SEMA6C: variants seen among roughly 807,000 people sequenced by gnomAD.
SEMA6C encodes semaphorin 6C, also known as semaphorin-6C.
In SEMA6C, 37 loss-of-function variants were observed where a neutral mutation model predicts 72.9. That is an observed-to-expected ratio of 0.51 (90% CI 0.39 to 0.67). The LOEUF (loss-of-function observed/expected upper bound fraction) is 0.67. Among genes scored for constraint, SEMA6C ranks in the 30% least tolerant of loss-of-function variants. SEMA6C has a pLI of 0.00. For synonymous variants in SEMA6C, 578 were observed against 554.1 expected (o/e 1.04, Z -0.61); for missense variants, 1,189 against 1,263.6 (o/e 0.94, Z 0.89).
Position 151,135,216 on chromosome 1 carries a change from G to T in SEMA6C, c.1527C>A (p.Gly509=). Residue 509 remains glycine (G), a synonymous_variant, in exon 15 of 19, where the codon GGC becomes GGA. Transcript: ENST00000368914. ...EGHRLFVAFS[G]CIVYLPLSRC... is the part of the protein sequence containing the mutation. Reference sequence around the variant, plus strand: ...GGCTGAGAGGGAGGTAGACAATACAGCCAGAAAAAGCCACAAAAAGCCTGT... The same window carrying T: ...GGCTGAGAGGGAGGTAGACAATACATCCAGAAAAAGCCACAAAAAGCCTGT... 1 of 1,614,146 alleles carries T rather than the reference G, an allele frequency of 6.2e-7. No homozygotes were observed. The highest frequency in any genetic ancestry group is 1.1e-5 in the South Asian group (1 of 91,088).
At chr1:151,139,838 C>G (rs1309175655) in intron 4 of SEMA6C, 137 bp from the exon 5 acceptor site, 2 of 1,228,716 alleles carry the variant, frequency 1.6e-6, no homozygotes, top group South Asian at 1.4e-5. Flanking sequence ...CATTTGTGCT[C>G]TGGGTCCAAG....
rs1484572818 is a variant in SEMA6C at position 151,132,780 on chromosome 1, C to A, written c.2497G>T (p.Ala833Ser). ...PPEGRCASAP[A>S]RPALSAPAPR... ...GCGGGGGCGGAGAGCGCGGGCCGGGCGGGGGCAGAGGCGCACCTGCCCTCG... is the reference window on the plus strand; with the variant it reads ...GCGGGGGCGGAGAGCGCGGGCCGGGAGGGGGCAGAGGCGCACCTGCCCTCG... The change falls in exon 19 of 19, where the codon GCC (alanine) becomes TCC (serine). Residue 833 changes from alanine to serine, a missense_variant. This residue lies in a region of SEMA6C where 721 missense variants were observed against 686.2 expected (regional missense o/e 1.05). Coordinates refer to ENST00000368914, the MANE Select transcript of SEMA6C (RefSeq NM_030913.6). 31 of 1,384,684 alleles carry A rather than the reference C, an allele frequency of 2.2e-5. No individual in the cohort carries two copies. Among genetic ancestry groups the A allele is most frequent in the Admixed American group, 1.0e-4 (3 of 29,222 alleles). The allele number at this position is 1,384,684 out of a possible 1,614,324, so 85.8% of individuals were successfully genotyped here. A position where few individuals can be genotyped will look rare whatever the true frequency, so the allele number is the denominator to read the frequency against.
chr1:151,136,152 C>G lies in SEMA6C; in HGVS notation c.1118G>C (p.Cys373Ser). The change falls in exon 13 of 19, where the codon TGT becomes TCT. Residue 373 changes from cysteine (C) to serine (S), a missense_variant. Coordinates refer to ENST00000368914, the MANE Select transcript of SEMA6C (RefSeq NM_030913.6). ...DRVPSPRPGS[C>S]AGVGGAALFS... The stretch of plus-strand genomic sequence containing the variant: ...CAAGGCAGCTCCCCCTACTCCTGCA[C>G]AGGATCCTGGCCTGGTGGGTGAATG... The G allele has an allele frequency of 1.2e-6, 2 of 1,613,788 alleles. No homozygotes were observed. Among genetic ancestry groups the G allele is most frequent in the African/African-American group, 1.3e-5 (1 of 74,996 alleles).
intron 14 of SEMA6C, 81 bp downstream of exon 14, chr1:151,135,510 T>G (rs1681942036): frequency 1.3e-5 from 20 of 1,521,118 alleles, no homozygotes; most frequent in Non-Finnish European, 1.7e-5. Context: ...TGTTGATGTT[T>G]CCAACCTATT....
intron 7 of SEMA6C, 46 bp downstream of exon 7, chr1:151,138,584 G>A: frequency 1.3e-6 from 2 of 1,576,538 alleles, no homozygotes; most frequent in Non-Finnish European, 1.7e-6. Context: ...TGCCCATCTT[G>A]GGGTCCCCCC....
intron 4 of SEMA6C, 98 bp downstream of exon 4, chr1:151,139,878 G>C: frequency 1.9e-5 from 24 of 1,288,770 alleles, no homozygotes; most frequent in Non-Finnish European, 2.6e-5. Context: ...TTGTGCACCT[G>C]CATGTGTCCC....
In SEMA6C at chr1:151,137,041, G is replaced by C; in HGVS notation, c.790C>G (p.Arg264Gly). The change falls in exon 11 of 19, where the codon CGT becomes GGT. Residue 264 changes from arginine (R) to glycine (G), a missense_variant. Arg to Gly is a moderately radical substitution (Grantham distance 125). Coordinates refer to ENST00000368914, the MANE Select transcript of SEMA6C (RefSeq NM_030913.6). ...GCCCGAGGCGAGCCGCCCATGTCAC[G>C]TTTACATACTCGGGCTACGCGGGAG... ...QFSRVARVCK[R>G]DMGGSPRALD... is the part of the protein sequence containing the mutation. The C allele has an allele frequency of 6.2e-7, 1 of 1,613,904 alleles. No homozygotes were observed. Among genetic ancestry groups the C allele is most frequent in the Non-Finnish European group, 8.5e-7 (1 of 1,180,038 alleles).
chr1:151,134,745 G>A, intron 16 of SEMA6C, 53 bp downstream of exon 16: 3 of 1,611,940 alleles, frequency 1.9e-6, no homozygotes, highest in South Asian at 2.2e-5. Flanking sequence ...CCCTCAGCTT[G>A]TCTTATTGGT....
At chr1:151,140,564 G>C (rs1038455127) in intron 3 of SEMA6C, among the ~76,000 whole-genome samples, 10 of 152,166 alleles carry the variant, frequency 6.6e-5, no homozygotes, top group African/African-American at 2.4e-4. Context: ...GCTCTTCACA[G>C]GCCACCTCAG....
chr1:151,138,965 T>C (rs587717615), intron 6 of SEMA6C, among the ~76,000 whole-genome samples: 4 of 152,110 alleles, frequency 2.6e-5, no homozygotes, highest in African/African-American at 9.6e-5. Context: ...TAGCAGCATG[T>C]GCCTGTAATC....
In SEMA6C at chr1:151,140,842, A is replaced by C. The variant is rs141530514; in HGVS notation, c.119-752T>G. 9.5e-4 allele frequency among the ~76,000 whole-genome samples: 145 copies of C among 152,070 alleles called. 2 individuals carry two copies. The East Asian group carries it at 0.026, about 27-fold the overall frequency. ...ACCCCATCTCTACTAAAAATACAAA[A>C]ACAAAATTAGCCAGGCGTGGTGGCG... On this transcript the variant is annotated intron_variant, in intron 3 of 18. Coordinates refer to ENST00000368914, the MANE Select transcript of SEMA6C (RefSeq NM_030913.6).
Position 151,141,013 on chromosome 1 carries a change from T to C in SEMA6C, c.119-923A>G, listed in dbSNP as rs587771063. Among the ~76,000 whole-genome samples the C allele has an allele frequency of 1.7e-4, 26 of 151,532 alleles. No homozygotes were observed. The South Asian group carries it at 5.4e-3, about 32-fold the overall frequency. On this transcript the variant is annotated intron_variant, in intron 3 of 18. Transcript: ENST00000368914. ...ACTCCGTCTCGAAAAAAAAAAAAAT[T>C]CATAATGTGCTTGGAGCTGCTTCTA... is the stretch of plus-strand genomic sequence containing the variant.
chr1:151,133,099 G>C lies in SEMA6C; in HGVS notation c.2178C>G (p.Asn726Lys), dbSNP rs1428770156. The change falls in exon 19 of 19, where the codon AAC (asparagine) becomes AAG (lysine). Residue 726 changes from asparagine (N) to lysine (K), a missense_variant. This residue lies in a region of SEMA6C where 721 missense variants were observed against 686.2 expected (regional missense o/e 1.05). Coordinates refer to ENST00000368914, the MANE Select transcript of SEMA6C (RefSeq NM_030913.6). This position sits in a 1 kb window ranked among gnomAD's most constrained non-coding sequence, Gnocchi z 5.9. ...GDPWEWNQNR[N>K]NAKEGPGRSR... ...AGCGGCCCGGACCCTCCTTGGCGTT[G>C]TTCCTGTTCTGGTTCCACTCCCAGG... The C allele has an allele frequency of 1.3e-6, 2 of 1,563,320 alleles. No individual in the cohort carries two copies. The highest frequency in any genetic ancestry group is 2.8e-5 in the African/African-American group (2 of 70,970).
In SEMA6C at chr1:151,145,259, G is replaced by T. The variant is rs587765959; in HGVS notation, c.-104-825C>A. Reference sequence around the variant, plus strand: ...CCGAAGCCACCTCTGGGGAATGGCTGGGGTCACAGCCAGAGTCTAGGAGAG... The same window carrying T: ...CCGAAGCCACCTCTGGGGAATGGCTTGGGTCACAGCCAGAGTCTAGGAGAG... On this transcript the variant is annotated intron_variant, in intron 1 of 18. Transcript: ENST00000368914. The surrounding 1 kb of genome is among the most constrained non-coding windows in gnomAD (Gnocchi z 4.4). The T allele has an allele frequency of 6.6e-6, 1 of 152,312 alleles. No homozygotes were observed. Among genetic ancestry groups the T allele is most frequent in the African/African-American group, 2.4e-5 (1 of 41,452 alleles). 9.4% of individuals were successfully genotyped at this position (152,312 alleles called of 1,614,324 possible).
At chr1:151,141,671 A>G (rs1682563059) in intron 3 of SEMA6C, among the ~76,000 whole-genome samples, 1 of 151,394 alleles carries the variant, frequency 6.6e-6, no homozygotes, top group South Asian at 2.1e-4. Context: ...TTGGCCTCCC[A>G]AAGTGCTGGG....
At chr1:151,142,751 C>T (rs976901678) in intron 2 of SEMA6C, 76 bp from the exon 3 acceptor site, 7 of 690,084 alleles carry the variant, frequency 1.0e-5, no homozygotes, top group Non-Finnish European at 1.7e-5. Context: ...AGGCTCCTCT[C>T]CTGGTGTATC....
Position 151,132,601 on chromosome 1 carries a change from GTAGCCC to G in SEMA6C, c.2670_2675del (p.Glu890_Tyr892delinsAsp). 1.9e-6 allele frequency: 3 copies of G among 1,551,356 alleles called. No individual in the cohort carries two copies. Among genetic ancestry groups the G allele is most frequent in the Non-Finnish European group, 2.6e-6 (3 of 1,147,264 alleles). On this transcript the variant is annotated inframe_deletion, in exon 19 of 19. Transcript: ENST00000368914. ...CCACCCTTTTCAGGGCGCGGCCCCG[GTAGCCC>G]TCGGGCCGGCCCAGGTACAGGAGGT... is the stretch of plus-strand genomic sequence containing the variant.
At position 151,132,118 on chromosome 1, in the gene SEMA6C, C is replaced by T; in HGVS notation, c.*366G>A. On this transcript the variant is annotated 3_prime_UTR_variant, in exon 19 of 19. Coordinates refer to ENST00000368914, the MANE Select transcript of SEMA6C (RefSeq NM_030913.6). ...ACAGTAGGAGAGGCACGTCCCAGAC[C>T]CAGAAGGCCCGAGGACTCTGGACAC... The T allele has an allele frequency of 9.4e-7, 1 of 1,061,674 alleles. No homozygotes were observed. 65.8% of individuals were successfully genotyped at this position (1,061,674 alleles called of 1,614,324 possible). A position where few individuals can be genotyped will look rare whatever the true frequency, so the allele number is the denominator to read the frequency against.
In SEMA6C at chr1:151,133,766, T is replaced by G. The variant is rs1000514621; in HGVS notation, c.1760-249A>C. Among the ~76,000 whole-genome samples the G allele has an allele frequency of 1.3e-5, 2 of 151,980 alleles. No homozygotes were observed. Among genetic ancestry groups the G allele is most frequent in the Non-Finnish European group, 2.9e-5 (2 of 67,978 alleles). On this transcript the variant is annotated intron_variant, in intron 18 of 18. Coordinates refer to ENST00000368914, the MANE Select transcript of SEMA6C (RefSeq NM_030913.6). The surrounding 1 kb of genome is among the most constrained non-coding windows in gnomAD (Gnocchi z 5.9). The stretch of plus-strand genomic sequence containing the variant: ...GATTCCCCATCCCACTTCTGGCCCC[T>G]GTAGCCATGCCAAGAGCAACTGCCA...
Sources: allele counts gnomAD v4.1 joint callset (sites outside exome capture counted in the v4.1 genomes callset), GRCh38; gene constraint gnomAD v4.1.1; regional missense constraint gnomAD v4.1.1; non-coding constraint Gnocchi (gnomAD v3.1); transcripts MANE v1.5; gene names NCBI Gene and HGNC (gene_info 2026-07-23, HGNC 2026-07-21).